NOPCHAP1: variants seen among roughly 807,000 people sequenced by gnomAD.
NOPCHAP1 encodes the protein DNA damage-sensitive RNA 1.
Under a neutral mutation model 14.0 loss-of-function variants are expected in NOPCHAP1, and 13 were observed. The ratio of observed to expected loss-of-function variants is 0.93; its 90% confidence interval spans 0.60 to 1.47. The LOEUF is 1.47. Ranked by LOEUF, NOPCHAP1 falls within the 40% of genes most tolerant of loss-of-function variation. The pLI is 0.00. For missense variants in NOPCHAP1, 230 were observed against 226.9 expected, an observed-to-expected ratio of 1.01 and a Z score of -0.09; for synonymous variants, 78 against 78.4, an observed-to-expected ratio of 1.00 and a Z score of 0.03.
rs1338343455 is a variant in NOPCHAP1 at position 105,002,220 on chromosome 12, C to T, written c.*7524C>T. On this transcript the variant is annotated 3_prime_UTR_variant, in exon 4 of 4. Transcript: ENST00000552951. ...GAGAGGAAGTCCCTTTGGTCTTGGT[C>T]TTTGTGGTTATTGTAATTAGAGAGA... 6.6e-6 allele frequency: 1 copy of T among 152,148 alleles called. No individual in the cohort carries two copies. Among genetic ancestry groups the T allele is most frequent in the Admixed American group, 6.5e-5 (1 of 15,272 alleles). The allele number at this position is 152,148 out of a possible 1,614,324, so 9.4% of individuals were successfully genotyped here.
chr12:105,016,041 AAG>A lies in NOPCHAP1; in HGVS notation c.*21348_*21349del, dbSNP rs1873939541. On this transcript the variant is annotated 3_prime_UTR_variant, in exon 4 of 4. Coordinates refer to ENST00000552951, the MANE Select transcript of NOPCHAP1 (RefSeq NM_152318.3). ...ATCAAAGCCTAAAATTACAAAGGAA[AAG>A]AGTGGAAAATTCATCCCCATAAATA... The A allele has an allele frequency of 1.3e-5, 2 of 152,196 alleles. No homozygotes were observed. Among genetic ancestry groups the A allele is most frequent in the South Asian group, 2.1e-4 (1 of 4,824 alleles). 9.4% of individuals were successfully genotyped at this position (152,196 alleles called of 1,614,324 possible). A position where few individuals can be genotyped will look rare whatever the true frequency, so the allele number is the denominator to read the frequency against.
In NOPCHAP1 at chr12:105,009,675, G is replaced by A. The variant is rs552458723; in HGVS notation, c.*14979G>A. 6.6e-6 allele frequency: 1 copy of A among 152,146 alleles called. No homozygotes were observed. Among genetic ancestry groups the A allele is most frequent in the Non-Finnish European group, 1.5e-5 (1 of 68,032 alleles). 9.4% of individuals were successfully genotyped at this position (152,146 alleles called of 1,614,324 possible). ...TTTATTGAGAGTTTTTAGCATGAAG[G>A]GGTGTTGAATTTTATCAAAGGCCTT... On this transcript the variant is annotated 3_prime_UTR_variant, in exon 4 of 4. Coordinates refer to ENST00000552951, the MANE Select transcript of NOPCHAP1 (RefSeq NM_152318.3).
chr12:105,015,610 G>A lies in NOPCHAP1; in HGVS notation c.*20914G>A, dbSNP rs1873929187. On this transcript the variant is annotated 3_prime_UTR_variant, in exon 4 of 4. Transcript: ENST00000552951. ...AGGCTGTCCCACTTCGTCTCGCCTG[G>A]GATGTGAATTGTCCTTTTGTCCTGC... is the stretch of plus-strand genomic sequence containing the variant. 1 of 152,184 alleles carries A rather than the reference G, an allele frequency of 6.6e-6. No homozygotes were observed. Among genetic ancestry groups the A allele is most frequent in the Non-Finnish European group, 1.5e-5 (1 of 68,030 alleles). 9.4% of individuals were successfully genotyped at this position (152,184 alleles called of 1,614,324 possible).
rs1279904979 is a variant in NOPCHAP1 at position 105,000,986 on chromosome 12, A to G, written c.*6290A>G. On this transcript the variant is annotated 3_prime_UTR_variant, in exon 4 of 4. Transcript: ENST00000552951. Reference sequence around the variant, plus strand: ...GGTGGATCTAGTTGCCCATAAGGCCAATGGTAATACCTTTGGACGAGGCAA... The same window carrying G: ...GGTGGATCTAGTTGCCCATAAGGCCGATGGTAATACCTTTGGACGAGGCAA... The G allele has an allele frequency of 6.6e-6, 1 of 151,206 alleles. No homozygotes were observed. Among genetic ancestry groups the G allele is most frequent in the South Asian group, 2.1e-4 (1 of 4,724 alleles). The allele number at this position is 151,206 out of a possible 1,614,324, so 9.4% of individuals were successfully genotyped here.
chr12:105,012,447 G>C lies in NOPCHAP1; in HGVS notation c.*17751G>C, dbSNP rs940880696. On this transcript the variant is annotated 3_prime_UTR_variant, in exon 4 of 4. Transcript: ENST00000552951. ...GGGTTAGAACATGCTCCTTTAGCTC[G>C]GAGGAATTTGTTATTATCTGCCTTC... 1 of 152,078 alleles carries C rather than the reference G, an allele frequency of 6.6e-6. No homozygotes were observed. Among genetic ancestry groups the C allele is most frequent in the East Asian group, 1.9e-4 (1 of 5,198 alleles). The allele number at this position is 152,078 out of a possible 1,614,324, so 9.4% of individuals were successfully genotyped here.
At position 105,005,632 on chromosome 12, in the gene NOPCHAP1, G is replaced by C. The variant is rs922028844; in HGVS notation, c.*10936G>C. The C allele has an allele frequency of 3.9e-5, 6 of 152,404 alleles. No homozygotes were observed. Among genetic ancestry groups the C allele is most frequent in the Non-Finnish European group, 5.9e-5 (4 of 68,076 alleles). 9.4% of individuals were successfully genotyped at this position (152,404 alleles called of 1,614,324 possible). A position where few individuals can be genotyped will look rare whatever the true frequency, so the allele number is the denominator to read the frequency against. On this transcript the variant is annotated 3_prime_UTR_variant, in exon 4 of 4. Transcript: ENST00000552951. ...TCATCTGTGACACAGAAGCAGAGGA[G>C]CTGCAAAGGGAGAGCCTCTGATCCT... is the stretch of plus-strand genomic sequence containing the variant.
intron 2 of NOPCHAP1, among the ~76,000 whole-genome samples, chr12:104,988,664 A>G (rs1414925545): frequency 2.6e-5 from 4 of 152,244 alleles, no homozygotes; most frequent in African/African-American, 9.6e-5. Flanking sequence ...ATTATTCTGT[A>G]GTATTGCTGT....
In NOPCHAP1 at chr12:104,994,608, C is replaced by T. The variant is rs758473392; in HGVS notation, c.470C>T (p.Thr157Ile). The T allele has an allele frequency of 1.2e-6, 2 of 1,613,638 alleles. No individual in the cohort carries two copies. Among genetic ancestry groups the T allele is most frequent in the South Asian group, 2.2e-5 (2 of 90,992 alleles). The stretch of plus-strand genomic sequence containing the variant: ...GATGACAGCATCCCATCTGAAGTCA[C>T]CATAGATAACATTAAGCTTCCCAAT... ...DEDDSIPSEV[T>I]IDNIKLPNSE... The change falls in exon 4 of 4, where the codon ACC becomes ATC. Residue 157 changes from threonine (T) to isoleucine (I), a missense_variant. Thr to Ile is a moderately conservative substitution (Grantham distance 89, BLOSUM62 -1). Transcript: ENST00000552951.
chr12:104,990,532 A>G (rs982399101), intron 2 of NOPCHAP1, among the ~76,000 whole-genome samples: 6 of 152,308 alleles, frequency 3.9e-5, no homozygotes, highest in South Asian at 4.1e-4. Flanking sequence ...GAGGTCGTCT[A>G]CTTGACCTTG....
Position 105,012,543 on chromosome 12 carries a change from G to A in NOPCHAP1, c.*17847G>A, listed in dbSNP as rs1052806687. 4 of 152,190 alleles carry A rather than the reference G, an allele frequency of 2.6e-5. No individual in the cohort carries two copies. Among genetic ancestry groups the A allele is most frequent in the African/African-American group, 9.7e-5 (4 of 41,444 alleles). The allele number at this position is 152,190 out of a possible 1,614,324, so 9.4% of individuals were successfully genotyped here. A position where few individuals can be genotyped will look rare whatever the true frequency, so the allele number is the denominator to read the frequency against. On this transcript the variant is annotated 3_prime_UTR_variant, in exon 4 of 4. Transcript: ENST00000552951. ...TTTGTTTCCTTGCTGGTGAGGAGTT[G>A]TGATCCTTTGGAGGAGAAGAGGTGT...
rs572247282 is a variant in NOPCHAP1 at position 105,013,562 on chromosome 12, C to T, written c.*18866C>T. ...CTCCTGCAGCTAGCTCGGTGTTTGCCCAAACAGCCACCCAGCTTTGAGCTT... is the reference window on the plus strand; with the variant it reads ...CTCCTGCAGCTAGCTCGGTGTTTGCTCAAACAGCCACCCAGCTTTGAGCTT... On this transcript the variant is annotated 3_prime_UTR_variant, in exon 4 of 4. Coordinates refer to ENST00000552951, the MANE Select transcript of NOPCHAP1 (RefSeq NM_152318.3). 63 of 153,718 alleles carry T rather than the reference C, an allele frequency of 4.1e-4. 1 individual carries two copies. The highest frequency in any genetic ancestry group is 4.3e-4 in the Non-Finnish European group (30 of 69,260). 9.5% of individuals were successfully genotyped at this position (153,718 alleles called of 1,614,324 possible).
At position 105,005,779 on chromosome 12, in the gene NOPCHAP1, TATGTC is replaced by T. The variant is rs1259279475; in HGVS notation, c.*11084_*11088del. On this transcript the variant is annotated 3_prime_UTR_variant, in exon 4 of 4. Coordinates refer to ENST00000552951, the MANE Select transcript of NOPCHAP1 (RefSeq NM_152318.3). ...TCTCCTGGCTCAGTTTCTCTAAAAATATGTCTATACAGTACCAATCTTCTACCATT... is the reference window on the plus strand; with the variant it reads ...TCTCCTGGCTCAGTTTCTCTAAAAATTATACAGTACCAATCTTCTACCATT... The T allele has an allele frequency of 6.6e-6, 1 of 152,232 alleles. No individual in the cohort carries two copies. The highest frequency in any genetic ancestry group is 2.4e-5 in the African/African-American group (1 of 41,468). The allele number at this position is 152,232 out of a possible 1,614,324, so 9.4% of individuals were successfully genotyped here. A position where few individuals can be genotyped will look rare whatever the true frequency, so the allele number is the denominator to read the frequency against.
chr12:104,989,846 C>T (rs532723737), intron 2 of NOPCHAP1, among the ~76,000 whole-genome samples: 1 of 152,212 alleles, frequency 6.6e-6, no homozygotes, highest in South Asian at 2.1e-4. Flanking sequence ...TCGCTGATTT[C>T]GTTGAGTTCA....
Position 104,996,796 on chromosome 12 carries a change from A to G in NOPCHAP1, c.*2100A>G, listed in dbSNP as rs1303108030. Reference sequence around the variant, plus strand: ...GGGTGCTTCTCTGTTGGGTGCATGTATGTTTAGGATAGTTAGGTCTTATTG... The same window carrying G: ...GGGTGCTTCTCTGTTGGGTGCATGTGTGTTTAGGATAGTTAGGTCTTATTG... On this transcript the variant is annotated 3_prime_UTR_variant, in exon 4 of 4. Coordinates refer to ENST00000552951, the MANE Select transcript of NOPCHAP1 (RefSeq NM_152318.3). The G allele has an allele frequency of 2.0e-5, 3 of 152,150 alleles. No individual in the cohort carries two copies. The highest frequency in any genetic ancestry group is 7.2e-5 in the African/African-American group (3 of 41,438). 9.4% of individuals were successfully genotyped at this position (152,150 alleles called of 1,614,324 possible). A position where few individuals can be genotyped will look rare whatever the true frequency, so the allele number is the denominator to read the frequency against.
chr12:105,000,483 TGGATTTTC>T lies in NOPCHAP1; in HGVS notation c.*5788_*5795del, dbSNP rs1372675781. The T allele has an allele frequency of 2.0e-5, 3 of 152,102 alleles. No homozygotes were observed. Among genetic ancestry groups the T allele is most frequent in the African/African-American group, 7.2e-5 (3 of 41,424 alleles). 9.4% of individuals were successfully genotyped at this position (152,102 alleles called of 1,614,324 possible). ...AAAGCCATTGCAAATTATGGTCCTA[TGGATTTTC>T]CTGTAAGGAAAAGGAAAGATTAAGA... On this transcript the variant is annotated 3_prime_UTR_variant, in exon 4 of 4. Transcript: ENST00000552951.
At chr12:104,988,039 TAAA>T (rs1185792698) in intron 1 of NOPCHAP1, 125 bp from the exon 2 acceptor site, 1 of 561,872 alleles carries the variant, frequency 1.8e-6, no homozygotes, top group South Asian at 2.9e-5. Context: ...AGTTCTCCTT[TAAA>T]AAAAAAATTT....
At position 104,995,180 on chromosome 12, in the gene NOPCHAP1, A is replaced by G. The variant is rs1262454076; in HGVS notation, c.*484A>G. 2 of 171,290 alleles carry G rather than the reference A, an allele frequency of 1.2e-5. No homozygotes were observed. The highest frequency in any genetic ancestry group is 2.4e-5 in the Non-Finnish European group (2 of 82,454). 10.6% of individuals were successfully genotyped at this position (171,290 alleles called of 1,614,324 possible). A position where few individuals can be genotyped will look rare whatever the true frequency, so the allele number is the denominator to read the frequency against. On this transcript the variant is annotated 3_prime_UTR_variant, in exon 4 of 4. Transcript: ENST00000552951. ...GTTTTGGTGTGTAGAGTACAGGAAT[A>G]ACTTGATGGGTTACAGCTAGGTGTT...
At position 105,009,101 on chromosome 12, in the gene NOPCHAP1, C is replaced by A. The variant is rs550666385; in HGVS notation, c.*14405C>A. 2.0e-5 allele frequency: 3 copies of A among 152,256 alleles called. No homozygotes were observed. The highest frequency in any genetic ancestry group is 7.2e-5 in the African/African-American group (3 of 41,544). 9.4% of individuals were successfully genotyped at this position (152,256 alleles called of 1,614,324 possible). On this transcript the variant is annotated 3_prime_UTR_variant, in exon 4 of 4. Transcript: ENST00000552951. The stretch of plus-strand genomic sequence containing the variant: ...TATGGCCATTTTCACGATATTGATT[C>A]TTCCTATCCATGAGCATGGAATGTT...
rs1468556449 is a variant in NOPCHAP1, at chr12:105,003,294, T to C, written c.*8598T>C. On this transcript the variant is annotated 3_prime_UTR_variant, in exon 4 of 4. Transcript: ENST00000552951. ...GTTTCATTTTTCTAGAAAAGCAACA[T>C]GCCCTGAGTCTGTAGTTCTTATACA... 6.6e-6 allele frequency: 1 copy of C among 152,190 alleles called. No individual in the cohort carries two copies. Among genetic ancestry groups the C allele is most frequent in the Admixed American group, 6.5e-5 (1 of 15,280 alleles). 9.4% of individuals were successfully genotyped at this position (152,190 alleles called of 1,614,324 possible). A position where few individuals can be genotyped will look rare whatever the true frequency, so the allele number is the denominator to read the frequency against.
Sources: allele counts gnomAD v4.1 joint callset (sites outside exome capture counted in the v4.1 genomes callset), GRCh38; gene constraint gnomAD v4.1.1; transcripts MANE v1.5; gene names NCBI Gene and HGNC (gene_info 2026-07-23, HGNC 2026-07-21).